SH3RF3: variants seen among roughly 807,000 people sequenced by gnomAD.
The protein encoded by SH3RF3 is E3 ubiquitin-protein ligase SH3RF3.
Under a neutral mutation model 66.3 loss-of-function variants are expected in SH3RF3, and 29 were observed. The ratio of observed to expected loss-of-function variants is 0.44; its 90% CI spans 0.33 to 0.60. The LOEUF (loss-of-function observed/expected upper bound fraction) is 0.60, where lower values mean the gene tolerates loss of function less well. Ranked by LOEUF, SH3RF3 falls within the 20% of genes least tolerant of loss-of-function variation. SH3RF3 has a pLI of 0.04. For synonymous variants in SH3RF3, 583 were observed against 532.0 expected (o/e 1.10, Z -1.32); for missense variants, 1,194 against 1,190.9 (o/e 1.00, Z -0.04).
chr2:109,438,933 T>G (rs1677486628), intron 7 of SH3RF3, among the ~76,000 whole-genome samples: 1 of 152,172 alleles, frequency 6.6e-6, no homozygotes, highest in Non-Finnish European at 1.5e-5. Flanking sequence ...TACAAATGTT[T>G]CCACATGCAC....
At chr2:109,305,991 T>A (rs942252716) in intron 1 of SH3RF3, among the ~76,000 whole-genome samples, 7 of 152,224 alleles carry the variant, frequency 4.6e-5, no homozygotes, top group African/African-American at 1.7e-4. Flanking sequence ...ACAGTAGATC[T>A]GGGCATTACA....
intron 8 of SH3RF3, among the ~76,000 whole-genome samples, chr2:109,485,760 G>A (rs894877738): frequency 1.3e-5 from 2 of 152,236 alleles, no homozygotes; most frequent in African/African-American, 4.8e-5. Context: ...GCTTTTTCTG[G>A]ATATAACTCA....
At chr2:109,442,892 C>G (rs1263329868) in intron 7 of SH3RF3, among the ~76,000 whole-genome samples, 1 of 152,138 alleles carries the variant, frequency 6.6e-6, no homozygotes, top group Admixed American at 6.5e-5. Flanking sequence ...CTAAATAACC[C>G]TAAATATAAT....
Position 109,390,902 on chromosome 2 carries a change from A to G in SH3RF3, c.946-7688A>G, listed in dbSNP as rs148269522. The stretch of plus-strand genomic sequence containing the variant: ...GAATTCTCTAGAGGGTCCCGGCATG[A>G]ATGCTGCTGTGGGCTGTGTGACAGC... On this transcript the variant is annotated intron_variant, in intron 3 of 9. Transcript: ENST00000309415. 6.8e-4 allele frequency among the ~76,000 whole-genome samples: 104 copies of G among 152,296 alleles called. 2 individuals carry two copies. In the East Asian group the frequency reaches 0.02, roughly 29 times the overall value.
chr2:109,503,288 T>C lies in SH3RF3; in HGVS notation c.*1617T>C, dbSNP rs560014686. On this transcript the variant is annotated 3_prime_UTR_variant, in exon 10 of 10. Transcript: ENST00000309415. ...TTTGGTAACATAGGGTGTCATTGGTTTTCAGGGATGTAACCAATTCCAGAA... is the reference window on the plus strand; with the variant it reads ...TTTGGTAACATAGGGTGTCATTGGTCTTCAGGGATGTAACCAATTCCAGAA... 1 of 152,314 alleles carries C rather than the reference T, an allele frequency of 6.6e-6. No homozygotes were observed. The highest frequency in any genetic ancestry group is 1.9e-4 in the East Asian group (1 of 5,190). The allele number at this position is 152,314 out of a possible 1,614,324, so 9.4% of individuals were successfully genotyped here. A position where few individuals can be genotyped will look rare whatever the true frequency, so the allele number is the denominator to read the frequency against.
chr2:109,409,061 C>G (rs1257625724), intron 4 of SH3RF3, among the ~76,000 whole-genome samples: 1 of 152,222 alleles, frequency 6.6e-6, no homozygotes, highest in Admixed American at 6.5e-5. Flanking sequence ...CCTCCCCTTT[C>G]CTTGTTGACG....
chr2:109,422,547 A>AG (rs555330624), intron 5 of SH3RF3, among the ~76,000 whole-genome samples: 81 of 152,316 alleles, frequency 5.3e-4, no homozygotes, highest in South Asian at 1.4e-3. Flanking sequence ...CAGTGCATGG[A>AG]GGCGACTGTG....
intron 1 of SH3RF3, among the ~76,000 whole-genome samples, chr2:109,156,017 C>A (rs1306275543): frequency 6.6e-6 from 1 of 152,234 alleles, no homozygotes; most frequent in African/African-American, 2.4e-5. Context: ...CCATGCTTCC[C>A]ACTGGGGTCA....
At chr2:109,415,080 G>A (rs1559071059) in intron 4 of SH3RF3, among the ~76,000 whole-genome samples, 1 of 152,208 alleles carries the variant, frequency 6.6e-6, no homozygotes, top group Non-Finnish European at 1.5e-5. Flanking sequence ...GGAAGACGTG[G>A]CACTGCTTGC....
At chr2:109,392,533 G>C (rs1024822385) in intron 3 of SH3RF3, among the ~76,000 whole-genome samples, 3 of 151,584 alleles carry the variant, frequency 2.0e-5, no homozygotes, top group Admixed American at 1.3e-4. Context: ...TTTTGGAGAC[G>C]GAGTCTCGCA....
At chr2:109,136,617 C>G (rs552029493) in intron 1 of SH3RF3, among the ~76,000 whole-genome samples, 1 of 152,184 alleles carries the variant, frequency 6.6e-6, no homozygotes, top group Non-Finnish European at 1.5e-5. Context: ...TGCAGCTCTC[C>G]TTTGGGAGAC....
intron 8 of SH3RF3, among the ~76,000 whole-genome samples, chr2:109,489,755 G>C (rs1573293838): frequency 8.2e-6 from 1 of 122,606 alleles, no homozygotes; most frequent in Admixed American, 9.6e-5. Flanking sequence ...GGTGGGCGGG[G>C]GGGACGGAGT....
intron 1 of SH3RF3, among the ~76,000 whole-genome samples, chr2:109,223,979 G>A (rs2105159500): frequency 6.6e-6 from 1 of 152,294 alleles, no homozygotes. Context: ...TCCAGCCTAG[G>A]TGACAGAGTG....
At position 109,437,596 on chromosome 2, in the gene SH3RF3, C is replaced by G. The variant is rs1411899536; in HGVS notation, c.1828+450C>G. Among the ~76,000 whole-genome samples the G allele has an allele frequency of 2.0e-5, 3 of 152,210 alleles. No individual in the cohort carries two copies. In the South Asian group the frequency reaches 6.2e-4, roughly 32 times the overall value. ...TGCCGGGCCCTGCAGGGCTTCCCAG[C>G]TAGGCGGCATCTCACAGGACAGGGC... On this transcript the variant is annotated intron_variant, in intron 7 of 9. Coordinates refer to ENST00000309415, the MANE Select transcript of SH3RF3 (RefSeq NM_001099289.3).
At chr2:109,330,269 T>C (rs1195277624) in intron 1 of SH3RF3, among the ~76,000 whole-genome samples, 2 of 152,162 alleles carry the variant, frequency 1.3e-5, no homozygotes, top group Admixed American at 6.5e-5. Flanking sequence ...TTTTCCTCAA[T>C]TTTGGTGTGC....
intron 3 of SH3RF3, among the ~76,000 whole-genome samples, chr2:109,380,713 C>G (rs1047913090): frequency 6.6e-6 from 1 of 152,180 alleles, no homozygotes; most frequent in Non-Finnish European, 1.5e-5. Flanking sequence ...GCACATGGAG[C>G]CTTGTGCCAT....
At chr2:109,227,284 C>G (rs1448376260) in intron 1 of SH3RF3, among the ~76,000 whole-genome samples, 1 of 152,126 alleles carries the variant, frequency 6.6e-6, no homozygotes, top group African/African-American at 2.4e-5. Context: ...CTAGAAGAAG[C>G]TCTGTGAATG....
chr2:109,181,389 T>C (rs533495810), intron 1 of SH3RF3, among the ~76,000 whole-genome samples: 14 of 152,324 alleles, frequency 9.2e-5, no homozygotes, highest in African/African-American at 3.4e-4. Flanking sequence ...GTCTTGCCAC[T>C]CACGTCTTTT....
rs142369897 is a variant in SH3RF3, at chr2:109,264,004, T to C, written c.574-83670T>C. Among the ~76,000 whole-genome samples the C allele has an allele frequency of 8.5e-5, 13 of 152,284 alleles. 1 individual carries two copies. The East Asian group carries it at 2.5e-3, about 29-fold the overall frequency. Reference sequence around the variant, plus strand: ...AAAGGAATGAGAGCTGGACAAGTCATTCCCTGGTCAGGACACTCCAGAAGC... The same window carrying C: ...AAAGGAATGAGAGCTGGACAAGTCACTCCCTGGTCAGGACACTCCAGAAGC... On this transcript the variant is annotated intron_variant, in intron 1 of 9. Transcript: ENST00000309415.
Sources: gnomAD v4.1 joint callset for allele counts (sites outside exome capture counted in the v4.1 genomes callset) on GRCh38, gnomAD v4.1.1 for gene constraint, MANE v1.5 for transcripts, NCBI Gene and HGNC (gene_info 2026-07-23, HGNC 2026-07-21) for gene names.